The following ADAMTS17 variants were observed in gnomAD, a reference collection of about 807,000 sequenced individuals.
ADAMTS17 encodes the protein ADAM metallopeptidase with thrombospondin type 1 motif 17.
Under a neutral mutation model 141.5 loss-of-function variants are expected in ADAMTS17, and 113 were observed. That is an observed-to-expected ratio of 0.80 (90% CI 0.69 to 0.93). The LOEUF (loss-of-function observed/expected upper bound fraction) is 0.93, where lower values mean the gene tolerates loss of function less well. Ranked by LOEUF, ADAMTS17 falls within the 40% of genes least tolerant of loss-of-function variation. ADAMTS17 has a pLI of 0.00. For missense variants in ADAMTS17, 1,659 were observed against 1,517.9 expected (o/e 1.09, Z -1.54); for synonymous variants, 768 against 630.6 (o/e 1.22, Z -3.27).
At chr15:100,108,780 C>G (rs551936225) in intron 14 of ADAMTS17, among the ~76,000 whole-genome samples, 1 of 152,230 alleles carries the variant, frequency 6.6e-6, no homozygotes. Context: ...TCCACCTCCA[C>G]TCCTTGTTGG....
chr15:100,137,403 G>C (rs2038390192), intron 10 of ADAMTS17, among the ~76,000 whole-genome samples: 1 of 152,168 alleles, frequency 6.6e-6, no homozygotes, highest in Admixed American at 6.5e-5. Context: ...TGAGATATAA[G>C]AACTTCCAAA....
intron 8 of ADAMTS17, among the ~76,000 whole-genome samples, chr15:100,179,210 A>G (rs1383219228): frequency 6.6e-6 from 1 of 152,090 alleles, no homozygotes; most frequent in Non-Finnish European, 1.5e-5. Context: ...AACTATCTTC[A>G]CTTCCCTGCC....
chr15:100,128,348 C>A (rs9672466), intron 12 of ADAMTS17: 132,234 of 152,202 alleles, frequency 0.87, 58,637 homozygotes, highest in Non-Finnish European at 0.95. Context: ...AGGAAGGGGC[C>A]TGCGGCTGGG....
intron 3 of ADAMTS17, among the ~76,000 whole-genome samples, chr15:100,315,316 C>T (rs1404790755): frequency 6.6e-6 from 1 of 152,182 alleles, no homozygotes; most frequent in Non-Finnish European, 1.5e-5. Context: ...TTCTCTCCCC[C>T]CACCCTTCCC....
At chr15:100,021,738 C>A (rs936504196) in intron 18 of ADAMTS17, among the ~76,000 whole-genome samples, 25 of 152,300 alleles carry the variant, frequency 1.6e-4, no homozygotes, top group African/African-American at 5.1e-4. Context: ...AAAGAAGTAC[C>A]AGGGTAGATG....
chr15:99,987,817 G>C (rs894508332), intron 20 of ADAMTS17, among the ~76,000 whole-genome samples: 2 of 152,122 alleles, frequency 1.3e-5, no homozygotes, highest in African/African-American at 2.4e-5. Flanking sequence ...GTGAGGGGCA[G>C]GTGGTGGTGG....
At position 100,341,140 on chromosome 15, in the gene ADAMTS17, G is replaced by C; in HGVS notation, c.349C>G (p.Arg117Gly). Reference protein sequence around the residue: ...FEVEEAGAARRRGRPAELCFY... With the variant: ...FEVEEAGAARGRGRPAELCFY... ...CACAGCTCGGCGGGGCGGCCGCGGC[G>C]CCGGGCCGCGCCCGCCTCCTCCACC... Residue 117 changes from arginine (R) to glycine (G), a missense_variant, in exon 2 of 22, where the codon CGC becomes GGC. Coordinates refer to ENST00000268070, the MANE Select transcript of ADAMTS17 (RefSeq NM_139057.4). 7.0e-7 allele frequency: 1 copy of C among 1,435,612 alleles called. No homozygotes were observed. Among genetic ancestry groups the C allele is most frequent in the East Asian group, 3.0e-5 (1 of 33,096 alleles). 88.9% of individuals were successfully genotyped at this position (1,435,612 alleles called of 1,614,324 possible). A position where few individuals can be genotyped will look rare whatever the true frequency, so the allele number is the denominator to read the frequency against.
At position 100,199,495 on chromosome 15, in the gene ADAMTS17, G is replaced by A. The variant is rs960692617; in HGVS notation, c.1076-72C>T. The stretch of plus-strand genomic sequence containing the variant: ...CTGGTCTCACCGGGCAAGTCCGCAC[G>A]GTCAACGTCATGCACAATCAAGGCA... On this transcript the variant is annotated intron_variant, in intron 7 of 21. Coordinates refer to ENST00000268070, the MANE Select transcript of ADAMTS17 (RefSeq NM_139057.4). 2.0e-5 allele frequency: 25 copies of A among 1,264,562 alleles called. No individual in the cohort carries two copies. In the Admixed American group the frequency reaches 2.0e-4, roughly 10 times the overall value. The allele number at this position is 1,264,562 out of a possible 1,614,324, so 78.3% of individuals were successfully genotyped here.
chr15:100,227,169 T>A (rs2042336641), intron 7 of ADAMTS17, among the ~76,000 whole-genome samples: 1 of 152,108 alleles, frequency 6.6e-6, no homozygotes, highest in Admixed American at 6.5e-5. Context: ...CAAATCCAGA[T>A]CTGTGTTTCA....
intron 7 of ADAMTS17, among the ~76,000 whole-genome samples, chr15:100,212,994 T>TA (rs779175518): frequency 2.0e-5 from 3 of 151,858 alleles, no homozygotes; most frequent in Non-Finnish European, 4.4e-5. Context: ...GTAAATAATA[T>TA]AAAAAAAGAA....
chr15:99,974,315 G>A lies in ADAMTS17; in HGVS notation c.*87C>T, dbSNP rs2060273268. 4.5e-6 allele frequency: 7 copies of A among 1,560,704 alleles called. No individual in the cohort carries two copies. Among genetic ancestry groups the A allele is most frequent in the East Asian group, 2.2e-5 (1 of 44,616 alleles). ...AGTTGGATTCTTGTGGCAGCCGGGT[G>A]GGGGCGTGGCCACAAGGCTGGTAGG... On this transcript the variant is annotated 3_prime_UTR_variant, in exon 22 of 22. Coordinates refer to ENST00000268070, the MANE Select transcript of ADAMTS17 (RefSeq NM_139057.4).
At chr15:100,111,824 C>G (rs1464329981) in intron 13 of ADAMTS17, among the ~76,000 whole-genome samples, 3 of 152,224 alleles carry the variant, frequency 2.0e-5, no homozygotes, top group African/African-American at 7.2e-5. Context: ...TGTCACTGTT[C>G]CATTATACAG....
At chr15:100,088,112 CCTT>C (rs1337375387) in intron 15 of ADAMTS17, among the ~76,000 whole-genome samples, 1 of 152,198 alleles carries the variant, frequency 6.6e-6, no homozygotes, top group East Asian at 1.9e-4. Flanking sequence ...CCCAAAATCT[CCTT>C]GAGCTGATAG....
At chr15:100,205,095 G>C (rs1351493388) in intron 7 of ADAMTS17, among the ~76,000 whole-genome samples, 1 of 152,126 alleles carries the variant, frequency 6.6e-6, no homozygotes, top group South Asian at 2.1e-4. Context: ...GGGTTAATGA[G>C]ACCACAGCTT....
rs1360871464 is a variant in ADAMTS17 at position 100,341,182 on chromosome 15, G to A, written c.307C>T (p.Leu103=). 10 of 1,464,764 alleles carry A rather than the reference G, an allele frequency of 6.8e-6. No individual in the cohort carries two copies. Among genetic ancestry groups the A allele is most frequent in the African/African-American group, 1.5e-5 (1 of 67,622 alleles). 90.7% of individuals were successfully genotyped at this position (1,464,764 alleles called of 1,614,324 possible). The change falls in exon 2 of 22, where the codon CTG becomes TTG. Residue 103 remains leucine, a synonymous_variant. Transcript: ENST00000268070. ...YLQLRRDLRF[L]SRGFEVEEAG... is the part of the protein sequence containing the mutation. ...TCCTCCACCTCGAAGCCTCGGGACA[G>A]GAAGCGCAGGTCGCGGCGCAGCTGA...
At chr15:100,340,301 A>T (rs1212066000) in intron 2 of ADAMTS17, among the ~76,000 whole-genome samples, 1 of 152,198 alleles carries the variant, frequency 6.6e-6, no homozygotes, top group Non-Finnish European at 1.5e-5. Flanking sequence ...CGGGTGCCTC[A>T]AATGCAACAG....
chr15:100,262,914 G>A (rs1346994018), intron 4 of ADAMTS17, among the ~76,000 whole-genome samples: 7 of 151,964 alleles, frequency 4.6e-5, no homozygotes, highest in Non-Finnish European at 4.4e-5. Context: ...TTAAAAGGTT[G>A]TCCAGGAAAG....
chr15:100,037,571 A>G (rs564630745), intron 18 of ADAMTS17, among the ~76,000 whole-genome samples: 1 of 151,884 alleles, frequency 6.6e-6, no homozygotes, highest in East Asian at 1.9e-4. Context: ...ACCACACCCA[A>G]GTAATTTTTT....
At chr15:100,277,685 G>T (rs954910167) in intron 4 of ADAMTS17, among the ~76,000 whole-genome samples, 1 of 152,218 alleles carries the variant, frequency 6.6e-6, no homozygotes, top group Admixed American at 6.5e-5. Flanking sequence ...TGCACACGAG[G>T]AACACGGAAC....
Sources: gnomAD v4.1 joint callset for allele counts (sites outside exome capture counted in the v4.1 genomes callset) on GRCh38, gnomAD v4.1.1 for gene constraint, MANE v1.5 for transcripts, NCBI Gene and HGNC (gene_info 2026-07-23, HGNC 2026-07-21) for gene names.